DDX10: variants seen among roughly 807,000 people sequenced by gnomAD.
DDX10 encodes the protein DEAD-box helicase 10.
DDX10 carries 74 observed loss-of-function variants against 104.3 expected under a neutral mutation model. The ratio of observed to expected loss-of-function variants is 0.71; its 90% CI spans 0.59 to 0.86. DDX10 has a LOEUF of 0.86. Among genes scored for constraint, DDX10 ranks in the 40% least tolerant of loss-of-function variants. DDX10 has a pLI of 0.00. For synonymous variants in DDX10, 351 were observed against 353.4 expected (o/e 0.99, Z 0.08); for missense variants, 952 against 1,040.0 (o/e 0.92, Z 1.16).
At chr11:108,679,006 G>A (rs1262417207) in intron 5 of DDX10, among the ~76,000 whole-genome samples, 1 of 150,416 alleles carries the variant, frequency 6.6e-6, no homozygotes, top group African/African-American at 2.4e-5. Flanking sequence ...CTACAGGTGT[G>A]CACCACCACG....
chr11:108,780,587 C>G (rs1342268493), intron 13 of DDX10, among the ~76,000 whole-genome samples: 1 of 152,082 alleles, frequency 6.6e-6, no homozygotes. Context: ...TGTGATTTTC[C>G]TAGTGTACCA....
chr11:108,684,754 T>C (rs1336303392), intron 6 of DDX10, among the ~76,000 whole-genome samples: 3 of 148,070 alleles, frequency 2.0e-5, no homozygotes, highest in African/African-American at 5.0e-5. Context: ...TTTCTAGTTC[T>C]AGATCCCCGA....
chr11:108,900,728 A>G lies in DDX10; in HGVS notation c.2305-17145A>G, dbSNP rs539401542. On this transcript the variant is annotated intron_variant, in intron 16 of 17. Transcript: ENST00000322536. Reference sequence around the variant, plus strand: ...ATACATGCCCAAGTTTGCCCCATACAGTCATCAGGTTAGCAGTGGAATTGT... The same window carrying G: ...ATACATGCCCAAGTTTGCCCCATACGGTCATCAGGTTAGCAGTGGAATTGT... Among the ~76,000 whole-genome samples, 30 of 152,262 alleles carry G rather than the reference A, an allele frequency of 2.0e-4. No individual in the cohort carries two copies. In the Middle Eastern group the frequency reaches 0.01, roughly 52 times the overall value.
intron 16 of DDX10, among the ~76,000 whole-genome samples, chr11:108,913,816 G>A (rs185157702): frequency 6.6e-6 from 1 of 152,248 alleles, no homozygotes; most frequent in East Asian, 1.9e-4. Flanking sequence ...ACTTCAGAAT[G>A]TTTTCATTAT....
intron 13 of DDX10, among the ~76,000 whole-genome samples, chr11:108,743,641 A>G (rs990469888): frequency 4.6e-5 from 7 of 152,204 alleles, no homozygotes; most frequent in African/African-American, 1.7e-4. Flanking sequence ...GCTGTTCCGC[A>G]CTTAAGTTTT....
intron 13 of DDX10, among the ~76,000 whole-genome samples, chr11:108,752,013 A>G (rs948690907): frequency 2.6e-5 from 4 of 152,144 alleles, no homozygotes; most frequent in Non-Finnish European, 1.5e-5. Flanking sequence ...GTCTTAGTAT[A>G]TGGTTAAGTT....
intron 6 of DDX10, among the ~76,000 whole-genome samples, chr11:108,688,113 A>G (rs1227449666): frequency 6.6e-6 from 1 of 152,220 alleles, no homozygotes; most frequent in African/African-American, 2.4e-5. Context: ...TCATACTGCA[A>G]GTCCCTACTG....
chr11:108,713,999 C>A (rs1012384860), intron 10 of DDX10, among the ~76,000 whole-genome samples: 1 of 152,166 alleles, frequency 6.6e-6, no homozygotes, highest in African/African-American at 2.4e-5. Flanking sequence ...TCAGATAAAA[C>A]CCTAAGAGGC....
intron 10 of DDX10, among the ~76,000 whole-genome samples, chr11:108,709,085 T>A (rs2094280573): frequency 6.6e-6 from 1 of 152,204 alleles, no homozygotes; most frequent in African/African-American, 2.4e-5. Context: ...TTATTTCCTT[T>A]TCTTGTCTTA....
At chr11:108,769,077 G>A (rs903459955) in intron 13 of DDX10, among the ~76,000 whole-genome samples, 1 of 152,040 alleles carries the variant, frequency 6.6e-6, no homozygotes, top group African/African-American at 2.4e-5. Flanking sequence ...TTCTCCTGAA[G>A]TAATTTGAAT....
chr11:108,744,494 C>G (rs1211346550), intron 13 of DDX10, among the ~76,000 whole-genome samples: 1 of 152,126 alleles, frequency 6.6e-6, no homozygotes, highest in Non-Finnish European at 1.5e-5. Flanking sequence ...ACCCCAAAGT[C>G]TACTGATGAA....
Position 108,754,574 on chromosome 11 carries a change from C to T in DDX10, c.1965+31112C>T, listed in dbSNP as rs561722869. Among the ~76,000 whole-genome samples, 4 of 151,838 alleles carry T rather than the reference C, an allele frequency of 2.6e-5. No homozygotes were observed. The East Asian group carries it at 7.7e-4, about 29-fold the overall frequency. ...CATTGGGTGCATATTTAAAATGTTC[C>T]TATGAAAAGATGTAAGTGATTAAAA... On this transcript the variant is annotated intron_variant, in intron 13 of 17. Coordinates refer to ENST00000322536, the MANE Select transcript of DDX10 (RefSeq NM_004398.4).
chr11:108,667,723 A>G (rs1486344368), intron 1 of DDX10, among the ~76,000 whole-genome samples: 1 of 152,184 alleles, frequency 6.6e-6, no homozygotes, highest in Non-Finnish European at 1.5e-5. Context: ...TGATGTTTCC[A>G]CTGTGTGCAG....
At chr11:108,710,251 C>T (rs1045042852) in intron 10 of DDX10, among the ~76,000 whole-genome samples, 3 of 152,154 alleles carry the variant, frequency 2.0e-5, no homozygotes, top group East Asian at 1.9e-4. Context: ...ACACTGTACA[C>T]GTAGGCTACA....
chr11:108,898,699 C>T (rs971025739), intron 16 of DDX10, among the ~76,000 whole-genome samples: 1 of 151,578 alleles, frequency 6.6e-6, no homozygotes, highest in South Asian at 2.1e-4. Flanking sequence ...CTACCATCCA[C>T]TCAACCAGAT....
At chr11:108,898,663 A>C (rs1441021715) in intron 16 of DDX10, among the ~76,000 whole-genome samples, 1 of 151,782 alleles carries the variant, frequency 6.6e-6, no homozygotes, top group Non-Finnish European at 1.5e-5. Context: ...TTTTGGAGAA[A>C]AAAAAAAAAA....
intron 16 of DDX10, among the ~76,000 whole-genome samples, chr11:108,885,971 C>T (rs1863291680): frequency 6.6e-6 from 1 of 152,104 alleles, no homozygotes; most frequent in Non-Finnish European, 1.5e-5. Context: ...GAAACTGAGA[C>T]TTGAGCTGAT....
chr11:108,691,316 A>G (rs1591792939), intron 7 of DDX10, among the ~76,000 whole-genome samples: 1 of 152,220 alleles, frequency 6.6e-6, no homozygotes, highest in Non-Finnish European at 1.5e-5. Context: ...TTTAACCCCC[A>G]TATTAGAGAA....
chr11:108,804,533 T>G (rs1411713825), intron 13 of DDX10, among the ~76,000 whole-genome samples: 1 of 143,638 alleles, frequency 7.0e-6, no homozygotes, highest in East Asian at 2.0e-4. Flanking sequence ...CCAAAAGAAG[T>G]TGCCACAAAA....
Sources: gnomAD v4.1 joint callset for allele counts (sites outside exome capture counted in the v4.1 genomes callset) on GRCh38, gnomAD v4.1.1 for gene constraint, MANE v1.5 for transcripts, NCBI Gene and HGNC (gene_info 2026-07-23, HGNC 2026-07-21) for gene names.